Variants in PKP4 observed in about 807,000 individuals in gnomAD.
PKP4 encodes plakophilin-4.
Under a neutral mutation model 145.1 loss-of-function variants are expected in PKP4, and 90 were observed. That is an observed-to-expected ratio of 0.62 (90% CI 0.52 to 0.74). The LOEUF (loss-of-function observed/expected upper bound fraction) is 0.74. Among genes scored for constraint, PKP4 ranks in the 30% least tolerant of loss-of-function variants. The probability of loss-of-function intolerance (pLI) is 0.00; values close to 1 mark genes in which losing one functional copy is unlikely to be tolerated. For missense variants in PKP4, 1,340 were observed against 1,482.7 expected (o/e 0.90, Z 1.58); for synonymous variants, 563 against 577.2 (o/e 0.98, Z 0.35).
At chr2:158,554,716 C>T (rs917870813) in intron 2 of PKP4, among the ~76,000 whole-genome samples, 52 of 152,290 alleles carry the variant, frequency 3.4e-4, no homozygotes, top group African/African-American at 1.2e-3. Flanking sequence ...TGAGCCACTG[C>T]GCCCTGCCAG....
chr2:158,605,991 G>A (rs971889324), intron 4 of PKP4, among the ~76,000 whole-genome samples: 7 of 152,118 alleles, frequency 4.6e-5, no homozygotes, highest in Admixed American at 4.6e-4. Flanking sequence ...TTTTATGGCT[G>A]AATAATATTT....
chr2:158,633,635 A>C (rs2105917216), intron 8 of PKP4, among the ~76,000 whole-genome samples: 1 of 152,386 alleles, frequency 6.6e-6, no homozygotes, highest in East Asian at 1.9e-4. Context: ...AGGATGGACT[A>C]CTGTAGAATA....
chr2:158,527,330 T>C (rs1400415181), intron 1 of PKP4, among the ~76,000 whole-genome samples: 1 of 143,428 alleles, frequency 7.0e-6, no homozygotes, highest in Non-Finnish European at 1.5e-5. Context: ...GAAATAACGC[T>C]GCATACCTAC....
chr2:158,625,942 T>C (rs145442060), intron 7 of PKP4, among the ~76,000 whole-genome samples: 2 of 152,336 alleles, frequency 1.3e-5, no homozygotes, highest in African/African-American at 4.8e-5. Flanking sequence ...AAAGCGCTTA[T>C]GAATCACTTT....
chr2:158,619,300 G>A (rs1025749470), intron 4 of PKP4, among the ~76,000 whole-genome samples: 3 of 152,286 alleles, frequency 2.0e-5, no homozygotes, highest in Admixed American at 2.0e-4. Context: ...ACGTGTACCA[G>A]GGAAACCATA....
intron 1 of PKP4, among the ~76,000 whole-genome samples, chr2:158,490,494 G>A (rs2105462418): frequency 6.6e-6 from 1 of 152,244 alleles, no homozygotes; most frequent in Admixed American, 6.5e-5. Context: ...ATTTCCACTT[G>A]TTATTTTTAA....
intron 1 of PKP4, among the ~76,000 whole-genome samples, chr2:158,526,801 A>G (rs1161160873): frequency 1.3e-5 from 1 of 75,656 alleles, no homozygotes; most frequent in Non-Finnish European, 2.6e-5. Context: ...AGGATACAAA[A>G]TCAATTTACA....
At chr2:158,522,432 A>G (rs554393716) in intron 1 of PKP4, among the ~76,000 whole-genome samples, 1 of 147,542 alleles carries the variant, frequency 6.8e-6, no homozygotes, top group African/African-American at 2.5e-5. Flanking sequence ...ATAGTTGAAT[A>G]TAAGATTAAG....
intron 1 of PKP4, among the ~76,000 whole-genome samples, chr2:158,468,055 T>C (rs181889611): frequency 6.6e-6 from 1 of 152,236 alleles, no homozygotes; most frequent in Non-Finnish European, 1.5e-5. Flanking sequence ...GTTTCCAACT[T>C]ATAGCTATTA....
intron 2 of PKP4, among the ~76,000 whole-genome samples, chr2:158,538,534 C>CTTTTT (rs11346852): frequency 7.3e-5 from 8 of 110,086 alleles, no homozygotes; most frequent in Non-Finnish European, 1.1e-4. Context: ...TCTCTAACCA[C>CTTTTT]TTTTTTTTTT....
At chr2:158,495,539 T>TA (rs1359576731) in intron 1 of PKP4, among the ~76,000 whole-genome samples, 19 of 151,058 alleles carry the variant, frequency 1.3e-4, no homozygotes, top group East Asian at 5.8e-4. Context: ...TAACTATGTT[T>TA]AAAAAAAAAG....
At chr2:158,567,957 C>T (rs1164276118) in intron 2 of PKP4, among the ~76,000 whole-genome samples, 1 of 152,150 alleles carries the variant, frequency 6.6e-6, no homozygotes, top group Non-Finnish European at 1.5e-5. Flanking sequence ...CAGTTTGAGC[C>T]TGAATGAAAG....
At chr2:158,517,745 C>T (rs1011191764) in intron 1 of PKP4, among the ~76,000 whole-genome samples, 4 of 147,300 alleles carry the variant, frequency 2.7e-5, no homozygotes, top group Admixed American at 6.8e-5. Context: ...GATGACACCC[C>T]GACTCTACAA....
At chr2:158,630,732 T>C (rs368252169) in intron 7 of PKP4, among the ~76,000 whole-genome samples, 77 of 152,242 alleles carry the variant, frequency 5.1e-4, no homozygotes, top group African/African-American at 1.7e-3. Flanking sequence ...GTCCGCAGGA[T>C]AGGAAGAGAG....
At position 158,473,681 on chromosome 2, in the gene PKP4, C is replaced by T. The variant is rs542934075; in HGVS notation, c.-6+16463C>T. ...GTAGAGGGTGGGAGGAGAGAGGGGG[C>T]GGAAAAGGTAACTCTGGGGTATTGG... is the stretch of plus-strand genomic sequence containing the variant. On this transcript the variant is annotated intron_variant, in intron 1 of 21. Transcript: ENST00000389759. Among the ~76,000 whole-genome samples the T allele has an allele frequency of 5.4e-5, 8 of 147,890 alleles. No individual in the cohort carries two copies. In the East Asian group the frequency reaches 1.0e-3, roughly 18 times the overall value.
At chr2:158,526,043 T>G (rs1362924133) in intron 1 of PKP4, among the ~76,000 whole-genome samples, 1 of 151,726 alleles carries the variant, frequency 6.6e-6, no homozygotes, top group Non-Finnish European at 1.5e-5. Flanking sequence ...ACAGCCGAAT[T>G]CTACCAGAGA....
intron 2 of PKP4, among the ~76,000 whole-genome samples, chr2:158,536,094 G>A (rs1486584295): frequency 6.6e-6 from 1 of 152,158 alleles, no homozygotes; most frequent in Non-Finnish European, 1.5e-5. Flanking sequence ...CTCTTAGGAG[G>A]AGCTAGTGGT....
At chr2:158,459,695 G>A (rs752476129) in intron 1 of PKP4, among the ~76,000 whole-genome samples, 1 of 151,986 alleles carries the variant, frequency 6.6e-6, no homozygotes, top group African/African-American at 2.4e-5. Context: ...TGCTTAACCC[G>A]TGCTTTTTTG....
intron 2 of PKP4, among the ~76,000 whole-genome samples, chr2:158,547,909 AG>A (rs1453081635): frequency 6.6e-6 from 1 of 152,246 alleles, no homozygotes; most frequent in African/African-American, 2.4e-5. Flanking sequence ...AGCTCCGTGA[AG>A]TCGGCCAACA....
Sources: gnomAD v4.1 joint callset for allele counts (sites outside exome capture counted in the v4.1 genomes callset) on GRCh38, gnomAD v4.1.1 for gene constraint, MANE v1.5 for transcripts, NCBI Gene and HGNC (gene_info 2026-07-23, HGNC 2026-07-21) for gene names.